SMURF1: variants seen among roughly 807,000 people sequenced by gnomAD.
SMURF1 encodes the protein E3 ubiquitin-protein ligase SMURF1.
A neutral mutation model predicts 98.0 loss-of-function variants in SMURF1; 44 were observed. That is an observed-to-expected ratio of 0.45 (90% confidence interval 0.35 to 0.58). The LOEUF (loss-of-function observed/expected upper bound fraction) is 0.58. Among genes scored for constraint, SMURF1 ranks in the 20% least tolerant of loss-of-function variants. SMURF1 has a pLI of 0.00. For synonymous variants in SMURF1, 396 were observed against 374.9 expected (o/e 1.06, Z -0.65); for missense variants, 687 against 938.4 (o/e 0.73, Z 3.50).
chr7:99,135,351 CCT>C (rs1157727984), intron 1 of SMURF1, among the ~76,000 whole-genome samples: 4 of 152,266 alleles, frequency 2.6e-5, no homozygotes, highest in South Asian at 2.1e-4. Context: ...CTCCCTCTCT[CCT>C]CTCTCTTTCC....
At chr7:99,053,856 T>C (rs902137258) in intron 6 of SMURF1, among the ~76,000 whole-genome samples, 2 of 152,210 alleles carry the variant, frequency 1.3e-5, no homozygotes, top group Non-Finnish European at 2.9e-5. Context: ...TTTAGTGTGT[T>C]GAGTTCCTCC....
intron 1 of SMURF1, among the ~76,000 whole-genome samples, chr7:99,109,672 A>G (rs373244989): frequency 6.6e-5 from 10 of 152,176 alleles, no homozygotes; most frequent in Admixed American, 2.0e-4. Flanking sequence ...CTCATATTCA[A>G]TCTCTTCCAT....
At chr7:99,117,492 G>C (rs966349784) in intron 1 of SMURF1, among the ~76,000 whole-genome samples, 2 of 151,760 alleles carry the variant, frequency 1.3e-5, no homozygotes, top group African/African-American at 2.4e-5. Context: ...GGGATTACAG[G>C]CGCCCACCAC....
In SMURF1 at chr7:99,054,902, C is replaced by T. The variant is rs199528586; in HGVS notation, c.404-37G>A. On this transcript the variant is annotated intron_variant, in intron 5 of 17. Coordinates refer to ENST00000361368, the MANE Select transcript of SMURF1 (RefSeq NM_181349.3). Reference sequence around the variant, plus strand: ...AAGAACGACTTGTGTTAAAACCCAGCGGGGTTTACATAATTATAATACAGT... The same window carrying T: ...AAGAACGACTTGTGTTAAAACCCAGTGGGGTTTACATAATTATAATACAGT... The T allele has an allele frequency of 2.0e-5, 32 of 1,578,878 alleles. No homozygotes were observed. The Admixed American group carries it at 3.7e-4, about 18-fold the overall frequency.
rs1446170336 is a variant in SMURF1, at chr7:99,138,564, CT to C, written c.55+5161del. 9.9e-5 allele frequency among the ~76,000 whole-genome samples: 15 copies of C among 152,200 alleles called. No individual in the cohort carries two copies. The East Asian group carries it at 2.7e-3, about 27-fold the overall frequency. On this transcript the variant is annotated intron_variant, in intron 1 of 17. Transcript: ENST00000361368. ...AGAAAAACCCAACATTCAGAAAGGA[CT>C]TTTGTAACTGCAAGACTAGAGGTTT...
intron 1 of SMURF1, among the ~76,000 whole-genome samples, chr7:99,094,295 A>G (rs1796895065): frequency 6.7e-6 from 1 of 149,716 alleles, no homozygotes; most frequent in Admixed American, 6.6e-5. Flanking sequence ...TCAATGAATT[A>G]ATTCAAATTT....
At chr7:99,036,147 G>C (rs531495713) in intron 15 of SMURF1, 1 of 209,730 alleles carries the variant, frequency 4.8e-6, no homozygotes, top group South Asian at 7.7e-5. Context: ...GGTGGGGCTG[G>C]GGCCGATAGG....
intron 17 of SMURF1, 99 bp downstream of exon 17, chr7:99,032,938 A>G: frequency 4.6e-6 from 6 of 1,299,970 alleles, no homozygotes; most frequent in Middle Eastern, 2.4e-4. Flanking sequence ...ATATTTTGGC[A>G]GAGACTCCAT....
intron 1 of SMURF1, among the ~76,000 whole-genome samples, chr7:99,091,048 T>C (rs1200741402): frequency 6.6e-6 from 1 of 152,208 alleles, no homozygotes; most frequent in Non-Finnish European, 1.5e-5. Context: ...AGTTGAGTAG[T>C]TGTAATAGAG....
chr7:99,052,804 G>T (rs573445542), intron 6 of SMURF1, among the ~76,000 whole-genome samples: 10 of 152,248 alleles, frequency 6.6e-5, no homozygotes, highest in South Asian at 6.2e-4. Context: ...GGTGGCTCAC[G>T]CCTGTAATCC....
intron 10 of SMURF1, 80 bp from the exon 11 acceptor site, chr7:99,045,881 GGT>G: frequency 2.8e-6 from 3 of 1,081,738 alleles, no homozygotes; most frequent in Non-Finnish European, 2.8e-6. Flanking sequence ...AATGGAGCCC[GGT>G]TAAGAACACG....
chr7:99,052,794 G>A (rs536474713), intron 6 of SMURF1, among the ~76,000 whole-genome samples: 3 of 152,182 alleles, frequency 2.0e-5, no homozygotes, highest in Non-Finnish European at 2.9e-5. Context: ...GGCCAGATGC[G>A]GTGGCTCACG....
At chr7:99,046,502 C>T (rs1342673452) in intron 10 of SMURF1, among the ~76,000 whole-genome samples, 2 of 151,920 alleles carry the variant, frequency 1.3e-5, no homozygotes, top group African/African-American at 2.4e-5. Context: ...CCAAAGTGAG[C>T]GGATCACTTG....
At chr7:99,035,185 T>G (rs1795088598) in intron 16 of SMURF1, among the ~76,000 whole-genome samples, 2 of 152,196 alleles carry the variant, frequency 1.3e-5, no homozygotes, top group African/African-American at 4.8e-5. Context: ...CATAGCTCCC[T>G]CCCCGGGATC....
chr7:99,120,245 G>A (rs535880777), intron 1 of SMURF1, among the ~76,000 whole-genome samples: 8 of 152,264 alleles, frequency 5.3e-5, no homozygotes, highest in African/African-American at 1.9e-4. Context: ...CTGCAGGACC[G>A]TGAGCCAATC....
At chr7:99,044,177 T>C (rs919270276) in intron 11 of SMURF1, among the ~76,000 whole-genome samples, 2 of 152,098 alleles carry the variant, frequency 1.3e-5, no homozygotes, top group African/African-American at 4.8e-5. Flanking sequence ...CTGGACATGG[T>C]GACTCGCACC....
chr7:99,047,419 T>C (rs143800695), intron 10 of SMURF1, among the ~76,000 whole-genome samples: 1 of 152,302 alleles, frequency 6.6e-6, no homozygotes. Context: ...ACTATTTAGT[T>C]TTTCCATTTT....
chr7:99,038,245 A>C, intron 14 of SMURF1, 143 bp downstream of exon 14: 1 of 1,015,506 alleles, frequency 9.8e-7, no homozygotes, highest in Non-Finnish European at 1.4e-6. Flanking sequence ...TCGGTTTCTG[A>C]AAGTCGCCTC....
chr7:99,068,346 A>G (rs1796245123), intron 1 of SMURF1, among the ~76,000 whole-genome samples: 1 of 152,210 alleles, frequency 6.6e-6, no homozygotes, highest in Admixed American at 6.5e-5. Flanking sequence ...TCTAGAGTGC[A>G]GGGGCACAAT....
Sources: allele counts gnomAD v4.1 joint callset (sites outside exome capture counted in the v4.1 genomes callset), GRCh38; gene constraint gnomAD v4.1.1; transcripts MANE v1.5; gene names NCBI Gene and HGNC (gene_info 2026-07-23, HGNC 2026-07-21).